The following HCRTR2 variants were observed in gnomAD, a reference collection of about 807,000 sequenced individuals.
HCRTR2 encodes the protein hypocretin receptor 2.
A neutral mutation model predicts 49.0 loss-of-function variants in HCRTR2; 22 were observed. The ratio of observed to expected loss-of-function variants is 0.45; its 90% CI spans 0.32 to 0.64. HCRTR2 has a LOEUF of 0.64. HCRTR2 is among the 30% of genes least tolerant of loss of function. The pLI is 0.04. For missense variants in HCRTR2, 491 were observed against 559.4 expected, an observed-to-expected ratio of 0.88 and a Z score of 1.23; for synonymous variants, 236 against 205.3, an observed-to-expected ratio of 1.15 and a Z score of -1.28.
chr6:55,114,425 C>T (rs1764090131), intron 1 of HCRTR2, among the ~76,000 whole-genome samples: 1 of 151,784 alleles, frequency 6.6e-6, no homozygotes, highest in African/African-American at 2.4e-5. Context: ...TCATCCTGCT[C>T]ACCAACACTG....
chr6:55,263,595 T>C, intron 3 of HCRTR2, 112 bp from the exon 4 acceptor site: 1 of 694,950 alleles, frequency 1.4e-6, no homozygotes, highest in East Asian at 2.7e-5. Context: ...AATATGACAA[T>C]GAAATCATAT....
chr6:55,253,155 A>G (rs1766585127), intron 2 of HCRTR2, among the ~76,000 whole-genome samples: 1 of 151,850 alleles, frequency 6.6e-6, no homozygotes, highest in Non-Finnish European at 1.5e-5. Context: ...AAAGAATCAT[A>G]CTTGATAAGA....
At chr6:55,200,428 C>T (rs1361366857) in intron 1 of HCRTR2, among the ~76,000 whole-genome samples, 1 of 151,952 alleles carries the variant, frequency 6.6e-6, no homozygotes, top group Non-Finnish European at 1.5e-5. Context: ...CCACACCCAG[C>T]TAATTTTTTG....
intron 1 of HCRTR2, among the ~76,000 whole-genome samples, chr6:55,198,087 C>T (rs1765449947): frequency 6.6e-6 from 1 of 152,124 alleles, no homozygotes; most frequent in Non-Finnish European, 1.5e-5. Flanking sequence ...TTAAACATAA[C>T]TCAAAATGTA....
intron 5 of HCRTR2, among the ~76,000 whole-genome samples, chr6:55,278,191 T>C (rs3800541): frequency 2.0e-5 from 3 of 152,212 alleles, no homozygotes; most frequent in Non-Finnish European, 4.4e-5. Context: ...AGGGAAAGTA[T>C]GCTATTTGCT....
chr6:55,119,499 C>A (rs1292026579), intron 1 of HCRTR2, among the ~76,000 whole-genome samples: 1 of 151,976 alleles, frequency 6.6e-6, no homozygotes, highest in Non-Finnish European at 1.5e-5. Context: ...TGGTATCTCA[C>A]TGTGGTTTTG....
intron 1 of HCRTR2, among the ~76,000 whole-genome samples, chr6:55,188,707 T>C (rs1175520042): frequency 6.6e-6 from 1 of 152,206 alleles, no homozygotes; most frequent in Non-Finnish European, 1.5e-5. Context: ...GAGGCATGGT[T>C]CTTACCTACA....
intron 1 of HCRTR2, among the ~76,000 whole-genome samples, chr6:55,135,649 C>CT (rs1336550527): frequency 6.6e-6 from 1 of 152,114 alleles, no homozygotes; most frequent in African/African-American, 2.4e-5. Context: ...TCTTGATCCC[C>CT]TTTCTAAACA....
At chr6:55,131,204 GT>G (rs903352582) in intron 1 of HCRTR2, among the ~76,000 whole-genome samples, 6 of 151,526 alleles carry the variant, frequency 4.0e-5, no homozygotes, top group Non-Finnish European at 3.0e-5. Flanking sequence ...CAGTTGAGTG[GT>G]TTTACATATA....
At chr6:55,278,914 T>A (rs976350753) in intron 5 of HCRTR2, among the ~76,000 whole-genome samples, 1 of 151,990 alleles carries the variant, frequency 6.6e-6, no homozygotes, top group African/African-American at 2.4e-5. Context: ...CTAAATTCAA[T>A]GAAAATTGGA....
intron 1 of HCRTR2, among the ~76,000 whole-genome samples, chr6:55,176,315 G>C (rs1765039124): frequency 6.6e-6 from 1 of 152,108 alleles, no homozygotes; most frequent in African/African-American, 2.4e-5. Context: ...AAAAATAAAG[G>C]AAATCTTTTT....
intron 1 of HCRTR2, among the ~76,000 whole-genome samples, chr6:55,239,392 A>G (rs1766276615): frequency 6.6e-6 from 1 of 151,958 alleles, no homozygotes; most frequent in Non-Finnish European, 1.5e-5. Flanking sequence ...CACTTTCTTC[A>G]CTGTATTTTT....
intron 4 of HCRTR2, among the ~76,000 whole-genome samples, chr6:55,273,531 C>T (rs1581871498): frequency 6.6e-6 from 1 of 152,114 alleles, no homozygotes; most frequent in South Asian, 2.1e-4. Context: ...TCACTAACCG[C>T]CACCTCCACT....
chr6:55,250,834 C>G (rs187161406), intron 2 of HCRTR2, among the ~76,000 whole-genome samples: 1 of 152,248 alleles, frequency 6.6e-6, no homozygotes, highest in East Asian at 1.9e-4. Flanking sequence ...CTAATCAATT[C>G]CTTAGCTGCT....
At chr6:55,174,040 G>A (rs1764989433), upstream of HCRTR2, among the ~76,000 whole-genome samples, 1 of 151,976 alleles carries the variant, frequency 6.6e-6, no homozygotes, top group South Asian at 2.1e-4. Context: ...TTAATTGTAT[G>A]TTGACATTTT....
intron 1 of HCRTR2, among the ~76,000 whole-genome samples, chr6:55,215,448 AT>A (rs1209838908): frequency 6.6e-6 from 1 of 152,216 alleles, no homozygotes; most frequent in Admixed American, 6.5e-5. Context: ...TCAAGTTGAA[AT>A]AAAAGAACGC....
Position 55,248,657 on chromosome 6 carries a change from A to G in HCRTR2, c.242A>G (p.Lys81Arg). ...GNVLVCVAVW[K>R]NHHMRTVTNY... ...AAATTAGTTTGTGTGGCAGTGTGGA[A>G]GAACCACCACATGAGGACGGTAACC... The change falls in exon 2 of 7, where the codon AAG becomes AGG. Residue 81 changes from lysine (K) to arginine (R), a missense_variant. Lys to Arg is a conservative substitution (Grantham distance 26, BLOSUM62 2). Transcript: ENST00000370862. 1.2e-6 allele frequency: 2 copies of G among 1,613,034 alleles called. No individual in the cohort carries two copies. Among genetic ancestry groups the G allele is most frequent in the Non-Finnish European group, 1.7e-6 (2 of 1,179,158 alleles).
chr6:55,239,211 A>C (rs973784292), intron 1 of HCRTR2, among the ~76,000 whole-genome samples: 1 of 152,168 alleles, frequency 6.6e-6, no homozygotes, highest in African/African-American at 2.4e-5. Flanking sequence ...CGTCTTCCTA[A>C]CCTTTTCCTC....
intron 1 of HCRTR2, among the ~76,000 whole-genome samples, chr6:55,144,438 G>A (rs1357071688): frequency 6.6e-6 from 1 of 151,990 alleles, no homozygotes; most frequent in Non-Finnish European, 1.5e-5. Context: ...TCTGTCTTCT[G>A]CAGACTCATC....
Sources: allele counts gnomAD v4.1 joint callset (sites outside exome capture counted in the v4.1 genomes callset), GRCh38; gene constraint gnomAD v4.1.1; transcripts MANE v1.5; gene names NCBI Gene and HGNC (gene_info 2026-07-23, HGNC 2026-07-21).